The following CTNNA3 variants were observed in gnomAD, a reference collection of about 807,000 sequenced individuals.
CTNNA3 encodes catenin alpha-3.
In CTNNA3, 76 loss-of-function variants were observed where a neutral mutation model predicts 95.7. The ratio of observed to expected loss-of-function variants is 0.79; its 90% CI spans 0.66 to 0.96. The LOEUF (loss-of-function observed/expected upper bound fraction) is 0.96. CTNNA3 is among the 40% of genes least tolerant of loss of function. The probability of loss-of-function intolerance (pLI) is 0.00; values close to 1 mark genes in which losing one functional copy is unlikely to be tolerated. For synonymous variants in CTNNA3, 431 were observed against 374.4 expected (o/e 1.15, Z -1.74); for missense variants, 1,191 against 1,089.8 (o/e 1.09, Z -1.31).
chr10:67,252,765 G>A (rs1866160904), intron 5 of CTNNA3, among the ~76,000 whole-genome samples: 1 of 152,110 alleles, frequency 6.6e-6, no homozygotes, highest in African/African-American at 2.4e-5. Flanking sequence ...GAGACTCCTT[G>A]CTGAAATTCT....
intron 12 of CTNNA3, among the ~76,000 whole-genome samples, chr10:66,334,520 G>T (rs1247038790): frequency 6.6e-6 from 1 of 151,886 alleles, no homozygotes; most frequent in African/African-American, 2.4e-5. Context: ...GTGAAATTCT[G>T]GGTTGAAAAT....
intron 13 of CTNNA3, among the ~76,000 whole-genome samples, chr10:66,194,586 A>G (rs1319389015): frequency 1.3e-5 from 2 of 152,252 alleles, no homozygotes; most frequent in East Asian, 3.9e-4. Context: ...ATCTCAAAAA[A>G]TAATTAAATA....
At chr10:66,041,150 A>G (rs900301187) in intron 15 of CTNNA3, among the ~76,000 whole-genome samples, 1 of 152,200 alleles carries the variant, frequency 6.6e-6, no homozygotes, top group Non-Finnish European at 1.5e-5. Context: ...CCAAAAATGC[A>G]TAACTTCAAT....
chr10:66,085,316 A>C (rs1478570657), intron 14 of CTNNA3, among the ~76,000 whole-genome samples: 1 of 152,154 alleles, frequency 6.6e-6, no homozygotes, highest in Non-Finnish European at 1.5e-5. Flanking sequence ...AGGAGGAAAC[A>C]TGACACAATT....
At chr10:66,907,383 C>A (rs1243004605) in intron 7 of CTNNA3, among the ~76,000 whole-genome samples, 1 of 152,066 alleles carries the variant, frequency 6.6e-6, no homozygotes, top group Non-Finnish European at 1.5e-5. Flanking sequence ...GTACTAATAA[C>A]TTTTCACTTG....
chr10:66,547,389 C>A (rs1842072188), intron 10 of CTNNA3, among the ~76,000 whole-genome samples: 1 of 101,306 alleles, frequency 9.9e-6, no homozygotes, highest in Non-Finnish European at 1.8e-5. Flanking sequence ...GTTGCCCAGG[C>A]TGGAGTCCAG....
At chr10:66,039,941 G>A (rs537069559) in intron 15 of CTNNA3, among the ~76,000 whole-genome samples, 1 of 152,210 alleles carries the variant, frequency 6.6e-6, no homozygotes, top group African/African-American at 2.4e-5. Context: ...ATAACCTACA[G>A]AAGGGGAGAA....
intron 2 of CTNNA3, among the ~76,000 whole-genome samples, chr10:67,640,221 G>A (rs1367870170): frequency 6.6e-6 from 1 of 152,060 alleles, no homozygotes; most frequent in Non-Finnish European, 1.5e-5. Flanking sequence ...CAAACAAACA[G>A]AGAGCCAAAT....
At chr10:67,429,108 C>T (rs1001921491) in intron 5 of CTNNA3, among the ~76,000 whole-genome samples, 1 of 151,920 alleles carries the variant, frequency 6.6e-6, no homozygotes, top group South Asian at 2.1e-4. Context: ...TTGGATATGG[C>T]AATCACACAT....
chr10:66,731,498 C>T (rs78011539), intron 9 of CTNNA3, among the ~76,000 whole-genome samples: 2,258 of 152,104 alleles, frequency 0.015, 30 homozygotes, highest in South Asian at 0.048. Context: ...AACTCTGGCA[C>T]GTAAGTCTCT....
chr10:66,222,380 T>A (rs561723300), intron 13 of CTNNA3, among the ~76,000 whole-genome samples: 2 of 152,300 alleles, frequency 1.3e-5, no homozygotes, highest in East Asian at 3.9e-4. Flanking sequence ...AGCTACTTAC[T>A]ATTAGCTTCA....
At chr10:67,044,033 AT>A (rs1304995875) in intron 7 of CTNNA3, among the ~76,000 whole-genome samples, 1 of 151,850 alleles carries the variant, frequency 6.6e-6, no homozygotes, top group African/African-American at 2.4e-5. Flanking sequence ...GACACAAATG[AT>A]CCCATCACCC....
chr10:66,199,667 T>C (rs962349161), intron 13 of CTNNA3, among the ~76,000 whole-genome samples: 1 of 148,606 alleles, frequency 6.7e-6, no homozygotes, highest in African/African-American at 2.5e-5. Context: ...AATGGGGTGA[T>C]CTCGGCTCAC....
At chr10:67,709,680 C>A in intron 1 of CTNNA3, among the ~76,000 whole-genome samples, 1 of 151,190 alleles carries the variant, frequency 6.6e-6, no homozygotes, top group Non-Finnish European at 1.5e-5. Context: ...CAGGTGATAT[C>A]TGATCACCTT....
Position 67,170,959 on chromosome 10 carries a change from C to T in CTNNA3, c.1047+9358G>A, listed in dbSNP as rs543753564. Among the ~76,000 whole-genome samples the T allele has an allele frequency of 7.2e-5, 11 of 152,250 alleles. No homozygotes were observed. In the South Asian group the frequency reaches 2.3e-3, roughly 32 times the overall value. On this transcript the variant is annotated intron_variant, in intron 7 of 17. Transcript: ENST00000433211. ...AACTAAAACAGAATGTAAGATATCT[C>T]ATTATGATGTTTATATTGATTGCAT...
At chr10:66,944,074 T>G (rs2132693221) in intron 7 of CTNNA3, among the ~76,000 whole-genome samples, 1 of 152,254 alleles carries the variant, frequency 6.6e-6, no homozygotes, top group African/African-American at 2.4e-5. Flanking sequence ...GCTGCATTGG[T>G]TGACTCTTTC....
chr10:66,928,305 A>G, intron 7 of CTNNA3: 1 of 1,614,150 alleles, frequency 6.2e-7, no homozygotes, highest in Non-Finnish European at 8.5e-7. Flanking sequence ...GGCACAGGAA[A>G]AAGAAAAGAC....
intron 5 of CTNNA3, among the ~76,000 whole-genome samples, chr10:67,266,141 C>T (rs566763761): frequency 7.2e-5 from 11 of 152,092 alleles, no homozygotes; most frequent in Non-Finnish European, 1.3e-4. Context: ...AAAATTTTAT[C>T]AGTATCCTCA....
intron 12 of CTNNA3, among the ~76,000 whole-genome samples, chr10:66,300,405 C>T (rs1233753669): frequency 2.0e-5 from 3 of 151,900 alleles, no homozygotes; most frequent in Admixed American, 1.3e-4. Flanking sequence ...TATTTTCTTC[C>T]ACTTGAGTAT....
Sources: allele counts gnomAD v4.1 joint callset (sites outside exome capture counted in the v4.1 genomes callset), GRCh38; gene constraint gnomAD v4.1.1; transcripts MANE v1.5; gene names NCBI Gene and HGNC (gene_info 2026-07-23, HGNC 2026-07-21).